GRIK4: variants seen among roughly 807,000 people sequenced by gnomAD.
The protein encoded by GRIK4 is glutamate receptor ionotropic, kainate 4.
GRIK4 carries 40 observed loss-of-function variants against 104.9 expected under a neutral mutation model. That is an observed-to-expected ratio of 0.38 (90% CI 0.30 to 0.50). GRIK4 has a LOEUF of 0.50. Among genes scored for constraint, GRIK4 ranks in the 20% least tolerant of loss-of-function variants. GRIK4 has a pLI of 0.93. For missense variants in GRIK4, 1,047 were observed against 1,308.1 expected (o/e 0.80, Z 3.08); for synonymous variants, 485 against 524.9 (o/e 0.92, Z 1.04).
At chr11:120,636,582 C>T (rs2135192151) in intron 1 of GRIK4, among the ~76,000 whole-genome samples, 1 of 152,306 alleles carries the variant, frequency 6.6e-6, no homozygotes, top group East Asian at 1.9e-4. Flanking sequence ...TGGCTCACAC[C>T]TGTAATCCCA....
intron 3 of GRIK4, among the ~76,000 whole-genome samples, chr11:120,798,476 G>C (rs758742486): frequency 2.6e-5 from 4 of 151,736 alleles, no homozygotes; most frequent in Non-Finnish European, 4.4e-5. Flanking sequence ...TTTTGTTTTT[G>C]TTGTGTTTTG....
At chr11:120,638,029 A>C (rs963247819) in intron 1 of GRIK4, among the ~76,000 whole-genome samples, 2 of 151,922 alleles carry the variant, frequency 1.3e-5, no homozygotes, top group East Asian at 3.9e-4. Flanking sequence ...ACAGGCACCC[A>C]CCACCACACC....
intron 3 of GRIK4, among the ~76,000 whole-genome samples, chr11:120,797,117 C>G (rs1952534100): frequency 6.6e-6 from 1 of 152,158 alleles, no homozygotes; most frequent in Non-Finnish European, 1.5e-5. Flanking sequence ...TTGAATCCAC[C>G]TGGGTTGGAA....
intron 3 of GRIK4, among the ~76,000 whole-genome samples, chr11:120,666,163 G>C (rs913186433): frequency 6.6e-6 from 1 of 152,200 alleles, no homozygotes; most frequent in African/African-American, 2.4e-5. Context: ...GTGGTGTATA[G>C]CGTGTTCTTA....
At chr11:120,580,510 A>G (rs1209855563) in intron 1 of GRIK4, among the ~76,000 whole-genome samples, 1 of 151,440 alleles carries the variant, frequency 6.6e-6, no homozygotes, top group African/African-American at 2.4e-5. Context: ...TTCTGACCTC[A>G]GTGATCTGTT....
chr11:120,759,867 A>G (rs1276574421), intron 3 of GRIK4, among the ~76,000 whole-genome samples: 2 of 151,906 alleles, frequency 1.3e-5, no homozygotes, highest in African/African-American at 4.8e-5. Flanking sequence ...TATATATTTG[A>G]GGCTTACAAC....
intron 14 of GRIK4, among the ~76,000 whole-genome samples, chr11:120,948,183 C>T (rs191174756): frequency 5.8e-4 from 88 of 152,288 alleles, no homozygotes; most frequent in African/African-American, 2.0e-3. Flanking sequence ...GTTCTCTTAC[C>T]TCTTCAGCCC....
At chr11:120,522,458 T>C (rs1947807235) in intron 1 of GRIK4, among the ~76,000 whole-genome samples, 1 of 152,100 alleles carries the variant, frequency 6.6e-6, no homozygotes, top group Non-Finnish European at 1.5e-5. Flanking sequence ...AGTAGCTGGG[T>C]CTACAGGTGT....
intron 1 of GRIK4, among the ~76,000 whole-genome samples, chr11:120,609,516 CTTTTTTTTTTTT>C (rs58736481): frequency 7.0e-5 from 4 of 57,160 alleles, no homozygotes; most frequent in South Asian, 1.0e-3. Flanking sequence ...TTTGCAGTTG[CTTTTTTTTTTTT>C]TTTTTTTTTT....
chr11:120,822,712 T>G (rs1205986886), intron 6 of GRIK4, among the ~76,000 whole-genome samples: 1 of 152,246 alleles, frequency 6.6e-6, no homozygotes, highest in African/African-American at 2.4e-5. Flanking sequence ...TCGGCTTTGA[T>G]GATACGTGTT....
At chr11:120,849,222 A>C (rs1039397437) in intron 8 of GRIK4, among the ~76,000 whole-genome samples, 8 of 152,086 alleles carry the variant, frequency 5.3e-5, no homozygotes, top group African/African-American at 1.2e-4. Context: ...GGTGCATCAG[A>C]CTGTGCATAT....
chr11:120,606,292 G>A (rs553438222), intron 1 of GRIK4, among the ~76,000 whole-genome samples: 81 of 152,178 alleles, frequency 5.3e-4, no homozygotes, highest in African/African-American at 1.2e-3. Flanking sequence ...GCAGACCCAC[G>A]CTCCTCAGCG....
intron 13 of GRIK4, among the ~76,000 whole-genome samples, chr11:120,916,867 T>C (rs190558415): frequency 5.9e-5 from 9 of 152,280 alleles, no homozygotes; most frequent in African/African-American, 1.7e-4. Flanking sequence ...ACACTTCTGG[T>C]CTCAAGCATT....
chr11:120,974,803 T>C (rs1236116026), intron 19 of GRIK4, among the ~76,000 whole-genome samples: 1 of 152,234 alleles, frequency 6.6e-6, no homozygotes, highest in Non-Finnish European at 1.5e-5. Flanking sequence ...CGGCAGATCC[T>C]GTGGAAAACT....
chr11:120,667,593 G>A (rs1215388881), intron 3 of GRIK4, among the ~76,000 whole-genome samples: 2 of 152,238 alleles, frequency 1.3e-5, no homozygotes, highest in Non-Finnish European at 2.9e-5. Context: ...GCTTTACGGG[G>A]GCTGGGGCTC....
At chr11:120,568,601 T>G (rs1948360258) in intron 1 of GRIK4, among the ~76,000 whole-genome samples, 1 of 152,172 alleles carries the variant, frequency 6.6e-6, no homozygotes. Flanking sequence ...TCAGCCAGGC[T>G]GGTCTTGAAC....
intron 1 of GRIK4, among the ~76,000 whole-genome samples, chr11:120,534,094 G>C (rs1445277082): frequency 6.6e-6 from 1 of 152,154 alleles, no homozygotes; most frequent in African/African-American, 2.4e-5. Context: ...CCAGGCACCG[G>C]GGTACAGAGG....
At chr11:120,937,479 C>T (rs1054645567) in intron 13 of GRIK4, among the ~76,000 whole-genome samples, 8 of 152,188 alleles carry the variant, frequency 5.3e-5, no homozygotes, top group Non-Finnish European at 1.2e-4. Flanking sequence ...ATATTAAATG[C>T]AAGAAACGAC....
intron 4 of GRIK4, among the ~76,000 whole-genome samples, chr11:120,809,404 A>G (rs901756955): frequency 1.3e-5 from 2 of 152,202 alleles, no homozygotes; most frequent in African/African-American, 4.8e-5. Context: ...CAGAATCAGC[A>G]TGCAGGGGTT....
Sources: gnomAD v4.1 joint callset for allele counts (sites outside exome capture counted in the v4.1 genomes callset) on GRCh38, gnomAD v4.1.1 for gene constraint, MANE v1.5 for transcripts, NCBI Gene and HGNC (gene_info 2026-07-23, HGNC 2026-07-21) for gene names.